FKBP15: variants seen among roughly 807,000 people sequenced by gnomAD.
The protein encoded by FKBP15 is FK506-binding protein 15.
A neutral mutation model predicts 158.1 loss-of-function variants in FKBP15; 106 were observed. The ratio of observed to expected loss-of-function variants is 0.67; its 90% CI spans 0.57 to 0.79. The LOEUF (loss-of-function observed/expected upper bound fraction) is 0.79, where lower values mean the gene tolerates loss of function less well. FKBP15 is among the 30% of genes least tolerant of loss of function. The pLI, the probability that FKBP15 is intolerant of heterozygous loss-of-function variation, is 0.00. For missense variants in FKBP15, 1,287 were observed against 1,479.1 expected, an observed-to-expected ratio of 0.87 and a Z score of 2.13; for synonymous variants, 547 against 548.6, an observed-to-expected ratio of 1.00 and a Z score of 0.04.
At position 113,161,522 on chromosome 9, in the gene FKBP15, G is replaced by C. The variant is rs745536512; in HGVS notation, c.*4556C>G. ...CTCCTTTGACAGGCATGGCCCTTTC[G>C]GTGTTGGTGCTCCTGCTTCTGGCTG... On this transcript the variant is annotated 3_prime_UTR_variant, in exon 28 of 28. Coordinates refer to ENST00000238256, the MANE Select transcript of FKBP15 (RefSeq NM_015258.2). 6.2e-7 allele frequency: 1 copy of C among 1,613,940 alleles called. No individual in the cohort carries two copies. Among genetic ancestry groups the C allele is most frequent in the South Asian group, 1.1e-5 (1 of 91,062 alleles).
chr9:113,169,725 G>A lies in FKBP15; in HGVS notation c.2984C>T (p.Pro995Leu), dbSNP rs747265230. 2.5e-6 allele frequency: 4 copies of A among 1,613,642 alleles called. No homozygotes were observed. Among genetic ancestry groups the A allele is most frequent in the South Asian group, 2.2e-5 (2 of 90,964 alleles). ...EQVVEEAVPL[P>L]PQALTTSQDG... Reference sequence around the variant, plus strand: ...CTGGGAAGTGGTGAGGGCCTGAGGAGGCAACGGGACAGCTTCCTCGACCAC... The same window carrying A: ...CTGGGAAGTGGTGAGGGCCTGAGGAAGCAACGGGACAGCTTCCTCGACCAC... The change falls in exon 26 of 28, where the codon CCT becomes CTT. Residue 995 changes from proline to leucine, a missense_variant. Coordinates refer to ENST00000238256, the MANE Select transcript of FKBP15 (RefSeq NM_015258.2).
At chr9:113,217,201 G>GTTTTT (rs979783485) in intron 1 of FKBP15, among the ~76,000 whole-genome samples, 1 of 89,418 alleles carries the variant, frequency 1.1e-5, no homozygotes. Flanking sequence ...ACCACGCCCA[G>GTTTTT]TTTTTTTTTT....
In FKBP15 at chr9:113,196,971, T is replaced by G. The variant is rs1830698582; in HGVS notation, c.825A>C (p.Ala275=). 6.2e-7 allele frequency: 1 copy of G among 1,613,868 alleles called. No homozygotes were observed. Among genetic ancestry groups the G allele is most frequent in the African/African-American group, 1.3e-5 (1 of 74,916 alleles). ...GSEGVIGWTQ[A]TDSILVFEVE... ...CCTCGAACACCAGGATCGAGTCCGT[T>G]GCTTGAGTCCAGCCTATTACCCCTT... The change falls in exon 9 of 28, where the codon GCA becomes GCC. Residue 275 remains alanine, a synonymous_variant. Coordinates refer to ENST00000238256, the MANE Select transcript of FKBP15 (RefSeq NM_015258.2).
intron 12 of FKBP15, among the ~76,000 whole-genome samples, chr9:113,188,721 T>C (rs1587961231): frequency 6.6e-6 from 1 of 152,164 alleles, no homozygotes. Flanking sequence ...TAAGTAAATA[T>C]AGTTAATTTC....
At chr9:113,201,517 TG>T (rs1830792166) in intron 6 of FKBP15, among the ~76,000 whole-genome samples, 1 of 152,128 alleles carries the variant, frequency 6.6e-6, no homozygotes, top group Non-Finnish European at 1.5e-5. Context: ...GTGGGGCCTT[TG>T]GGAAGTAAGT....
intron 1 of FKBP15, among the ~76,000 whole-genome samples, chr9:113,212,455 C>T (rs557298421): frequency 6.6e-6 from 1 of 152,312 alleles, no homozygotes; most frequent in South Asian, 2.1e-4. Context: ...TCCCAAAGTG[C>T]TGGGATTACA....
At chr9:113,219,619 C>A (rs1411761408) in intron 1 of FKBP15, among the ~76,000 whole-genome samples, 1 of 152,144 alleles carries the variant, frequency 6.6e-6, no homozygotes, top group African/African-American at 2.4e-5. Context: ...CCTTGAGAAG[C>A]CTGCTCAGGA....
In FKBP15 at chr9:113,193,569, A is replaced by T. The variant is rs1047198638; in HGVS notation, c.1008-20T>A. On this transcript the variant is annotated intron_variant, in intron 10 of 27. Transcript: ENST00000238256. Reference sequence around the variant, plus strand: ...GGCTCCCTGAAAGCAAATAGACCATATTCCAAGATTGAAAACAAAATCCAG... The same window carrying T: ...GGCTCCCTGAAAGCAAATAGACCATTTTCCAAGATTGAAAACAAAATCCAG... 1.8e-5 allele frequency: 28 copies of T among 1,584,782 alleles called. No homozygotes were observed. The highest frequency in any genetic ancestry group is 2.4e-5 in the Non-Finnish European group (28 of 1,162,996).
chr9:113,186,230 T>C lies in FKBP15; in HGVS notation c.1498+19A>G. 1 of 1,518,152 alleles carries C rather than the reference T, an allele frequency of 6.6e-7. No individual in the cohort carries two copies. The highest frequency in any genetic ancestry group is 1.2e-5 in the South Asian group (1 of 83,422). 94.0% of individuals were successfully genotyped at this position (1,518,152 alleles called of 1,614,324 possible). On this transcript the variant is annotated intron_variant, in intron 15 of 27. Coordinates refer to ENST00000238256, the MANE Select transcript of FKBP15 (RefSeq NM_015258.2). ...ACAGCAAGAGCGGAAGATGAGAAAC[T>C]GAGGGAATTACTCCCTACCTTGGAA...
At chr9:113,220,958 C>A (rs961378561) in intron 1 of FKBP15, among the ~76,000 whole-genome samples, 5 of 152,170 alleles carry the variant, frequency 3.3e-5, no homozygotes, top group Non-Finnish European at 5.9e-5. Flanking sequence ...ATGCAAAAGG[C>A]AAACCCAGGG....
intron 4 of FKBP15, chr9:113,206,276 A>C (rs1830885583): frequency 1.8e-6 from 1 of 550,242 alleles, no homozygotes; most frequent in Non-Finnish European, 3.2e-6. Flanking sequence ...TTAAGCTAGG[A>C]TCATATCACA....
intron 14 of FKBP15, chr9:113,187,478 G>A: frequency 3.8e-6 from 1 of 263,994 alleles, no homozygotes; most frequent in Non-Finnish European, 7.5e-6. Context: ...TAGTAGAAAA[G>A]AATACAGAAG....
intron 1 of FKBP15, among the ~76,000 whole-genome samples, chr9:113,212,377 C>G (rs10817459): frequency 4.0e-5 from 6 of 151,806 alleles, no homozygotes; most frequent in Non-Finnish European, 5.9e-5. Context: ...TTAGTAGAGA[C>G]GGGGTTTCAC....
rs79324511 is a variant in FKBP15, at chr9:113,188,411, C to T, written c.1254G>A (p.Ala418=). ...TACCCTGTGAGGTCATCTGTGGTAA[C>T]GCTGGATGGGCCGGATGAAGAGAGG... The part of the protein sequence containing the change: ...VQPSLHPAHP[A]LPQMTSQAPQ... The change falls in exon 13 of 28, where the codon GCG becomes GCA. Residue 418 remains alanine, a synonymous_variant. Coordinates refer to ENST00000238256, the MANE Select transcript of FKBP15 (RefSeq NM_015258.2). 8.4e-4 allele frequency: 1,357 copies of T among 1,613,890 alleles called. 14 individuals carry two copies. The East Asian group carries it at 0.02, about 24-fold the overall frequency.
Position 113,162,972 on chromosome 9 carries a change from A to G in FKBP15, c.*3106T>C, listed in dbSNP as rs1564140631. 1 of 1,468,246 alleles carries G rather than the reference A, an allele frequency of 6.8e-7. No homozygotes were observed. The highest frequency in any genetic ancestry group is 9.2e-7 in the Non-Finnish European group (1 of 1,092,386). 91.0% of individuals were successfully genotyped at this position (1,468,246 alleles called of 1,614,324 possible). ...GGAGGGACATGGAGCCCCCTCTTCC[A>G]GACACTATACTTCCAACTGCCCTTT... is the stretch of plus-strand genomic sequence containing the variant. On this transcript the variant is annotated 3_prime_UTR_variant, in exon 28 of 28. Coordinates refer to ENST00000238256, the MANE Select transcript of FKBP15 (RefSeq NM_015258.2).
At position 113,186,250 on chromosome 9, in the gene FKBP15, T is replaced by C; in HGVS notation, c.1497A>G (p.Gln499=). ...PAPLSQPPHF[Q]GSGDMASFLM... is the part of the protein sequence containing the mutation. ...GAAACTGAGGGAATTACTCCCTACCTTGGAAATGGGGAGGCTGAGAGAGCG... is the reference window on the plus strand; with the variant it reads ...GAAACTGAGGGAATTACTCCCTACCCTGGAAATGGGGAGGCTGAGAGAGCG... The change falls in exon 15 of 28, where the codon CAA becomes CAG. Residue 499 remains glutamine, a splice_region_variant and synonymous_variant. Coordinates refer to ENST00000238256, the MANE Select transcript of FKBP15 (RefSeq NM_015258.2). The C allele has an allele frequency of 6.4e-7, 1 of 1,557,156 alleles. No individual in the cohort carries two copies. The highest frequency in any genetic ancestry group is 8.7e-7 in the Non-Finnish European group (1 of 1,149,518).
chr9:113,176,409 TTTTAA>T (rs1830300424), intron 21 of FKBP15, 123 bp downstream of exon 21: 7 of 1,134,952 alleles, frequency 6.2e-6, no homozygotes. Flanking sequence ...GAAAATTTTT[TTTTAA>T]TTTTACACTT....
chr9:113,215,393 C>T (rs948019251), intron 1 of FKBP15, among the ~76,000 whole-genome samples: 1 of 150,488 alleles, frequency 6.6e-6, no homozygotes, highest in Non-Finnish European at 1.5e-5. Context: ...AAATAGAGAA[C>T]TGCCAGTCAG....
chr9:113,210,531 C>T (rs1830981132), intron 2 of FKBP15, among the ~76,000 whole-genome samples: 1 of 152,268 alleles, frequency 6.6e-6, no homozygotes, highest in African/African-American at 2.4e-5. Context: ...CAGGGTTTCA[C>T]CATGTTGGCC....
Sources: gnomAD v4.1 joint callset for allele counts (sites outside exome capture counted in the v4.1 genomes callset) on GRCh38, gnomAD v4.1.1 for gene constraint, MANE v1.5 for transcripts, NCBI Gene and HGNC (gene_info 2026-07-23, HGNC 2026-07-21) for gene names.